VAX2: variants seen among roughly 807,000 people sequenced by gnomAD.
VAX2 encodes ventral anterior homeobox 2.
VAX2 carries 8 observed loss-of-function variants against 12.5 expected under a neutral mutation model. That is an observed-to-expected ratio of 0.64 (90% confidence interval 0.37 to 1.15). VAX2 has a LOEUF of 1.15. Ranked by LOEUF, VAX2 falls within the 50% of genes most tolerant of loss-of-function variation. VAX2 has a pLI of 0.01. For missense variants in VAX2, 476 were observed against 412.9 expected (o/e 1.15, Z -1.32); for synonymous variants, 183 against 187.6 (o/e 0.98, Z 0.20).
chr2:70,913,661 G>A (rs1553411518), intron 1 of VAX2, among the ~76,000 whole-genome samples: 2 of 151,682 alleles, frequency 1.3e-5, no homozygotes, highest in Non-Finnish European at 2.9e-5. Context: ...GGGTGACAGA[G>A]CGAGACTCCG....
Position 70,933,440 on chromosome 2 carries a change from A to G in VAX2, c.*236A>G. ...AAATAAAAGGAAAACAATGACAAGAAGGGAAATGGTGCCCACAGCACAACT... is the reference window on the plus strand; with the variant it reads ...AAATAAAAGGAAAACAATGACAAGAGGGGAAATGGTGCCCACAGCACAACT... On this transcript the variant is annotated 3_prime_UTR_variant, in exon 3 of 3. Coordinates refer to ENST00000234392, the MANE Select transcript of VAX2 (RefSeq NM_012476.3). 1 of 393,140 alleles carries G rather than the reference A, an allele frequency of 2.5e-6. No homozygotes were observed. The highest frequency in any genetic ancestry group is 1.3e-4 in the South Asian group (1 of 7,594). The allele number at this position is 393,140 out of a possible 1,614,324, so 24.4% of individuals were successfully genotyped here. A position where few individuals can be genotyped will look rare whatever the true frequency, so the allele number is the denominator to read the frequency against.
At chr2:70,916,986 A>G (rs1391230563) in intron 1 of VAX2, among the ~76,000 whole-genome samples, 1 of 151,924 alleles carries the variant, frequency 6.6e-6, no homozygotes, top group Non-Finnish European at 1.5e-5. Flanking sequence ...CCCCATCTCT[A>G]CTAAAAATAC....
chr2:70,917,418 A>G (rs1553412168), intron 1 of VAX2, among the ~76,000 whole-genome samples: 2 of 152,034 alleles, frequency 1.3e-5, no homozygotes, highest in Non-Finnish European at 2.9e-5. Context: ...GTTGTAGGGT[A>G]AGTATATTTT....
intron 1 of VAX2, among the ~76,000 whole-genome samples, chr2:70,917,248 G>C (rs1046831908): frequency 3.3e-5 from 5 of 151,618 alleles, no homozygotes; most frequent in Admixed American, 6.6e-5. Flanking sequence ...TTTGAACCTG[G>C]GAGGTGGAGG....
chr2:70,923,801 C>T (rs1425585832), intron 2 of VAX2, among the ~76,000 whole-genome samples: 3 of 152,028 alleles, frequency 2.0e-5, no homozygotes, highest in Admixed American at 6.6e-5. Context: ...TCCACGTGTT[C>T]GCCAACCAGA....
intron 1 of VAX2, among the ~76,000 whole-genome samples, chr2:70,919,230 C>CAAA (rs571460115): frequency 1.9e-4 from 10 of 53,520 alleles, no homozygotes; most frequent in Middle Eastern, 0.011. Flanking sequence ...TGTGTCTCCA[C>CAAA]AAAAAAAAAA....
chr2:70,923,208 A>G (rs1679497954), intron 2 of VAX2, among the ~76,000 whole-genome samples: 1 of 152,136 alleles, frequency 6.6e-6, no homozygotes, highest in Admixed American at 6.5e-5. Flanking sequence ...TTCTCACTAC[A>G]ACCCTCCTTC....
chr2:70,921,897 C>T (rs571857688), intron 2 of VAX2, among the ~76,000 whole-genome samples: 1 of 152,138 alleles, frequency 6.6e-6, no homozygotes, highest in Non-Finnish European at 1.5e-5. Context: ...AATGGAGACC[C>T]TTCAAGCTGG....
At position 70,933,194 on chromosome 2, in the gene VAX2, C is replaced by A; in HGVS notation, c.863C>A (p.Ala288Asp). 6.6e-7 allele frequency: 1 copy of A among 1,523,544 alleles called. No homozygotes were observed. Among genetic ancestry groups the A allele is most frequent in the Non-Finnish European group, 8.8e-7 (1 of 1,136,956 alleles). The allele number at this position is 1,523,544 out of a possible 1,614,324, so 94.4% of individuals were successfully genotyped here. Residue 288 changes from alanine (A) to aspartate (D), a missense_variant, in exon 3 of 3, where the codon GCT becomes GAT. Coordinates refer to ENST00000234392, the MANE Select transcript of VAX2 (RefSeq NM_012476.3). ...KVGSASSCKK[A>D]NT The stretch of plus-strand genomic sequence containing the variant: ...GGCAGCGCCAGCAGCTGCAAGAAAG[C>A]TAACACTTAAGACTCCCACCCTGTG...
chr2:70,906,520 C>CTTTTTTTTTTTTTTTTTTTTTTT, intron 1 of VAX2, among the ~76,000 whole-genome samples: 1 of 60,606 alleles, frequency 1.7e-5, no homozygotes. Context: ...TTTTCTTTTC[C>CTTTTTTTTTTTTTTTTTTTTTTT]TTTTTTTTTT....
intron 1 of VAX2, among the ~76,000 whole-genome samples, chr2:70,918,502 A>G (rs1679356119): frequency 6.6e-6 from 1 of 152,150 alleles, no homozygotes; most frequent in African/African-American, 2.4e-5. Flanking sequence ...AGCTCTTTCC[A>G]TTATGTTCTC....
At chr2:70,927,274 C>A (rs920841620) in intron 2 of VAX2, among the ~76,000 whole-genome samples, 2 of 151,852 alleles carry the variant, frequency 1.3e-5, no homozygotes, top group Non-Finnish European at 2.9e-5. Context: ...TGGCTCAGGA[C>A]TCCCCTCCTG....
chr2:70,922,428 A>G (rs532568807), intron 2 of VAX2, among the ~76,000 whole-genome samples: 1 of 152,082 alleles, frequency 6.6e-6, no homozygotes, highest in South Asian at 2.1e-4. Context: ...TCCCTGCCTC[A>G]GTGAGGTCAG....
In VAX2 at chr2:70,932,758, C is replaced by T. The variant is rs201813531; in HGVS notation, c.436-9C>T. 4.6e-5 allele frequency: 71 copies of T among 1,532,022 alleles called. 1 individual carries two copies. In the South Asian group the frequency reaches 8.5e-4, roughly 18 times the overall value. The allele number at this position is 1,532,022 out of a possible 1,614,324, so 94.9% of individuals were successfully genotyped here. On this transcript the variant is annotated splice_polypyrimidine_tract_variant and intron_variant, in intron 2 of 2. Transcript: ENST00000234392. ...TCTCCCTCCTTGACACCCCCTCCCC[C>T]ACCCCAAGGTGAAGGTCTGGTTCCA...
chr2:70,919,986 G>T (rs1316958592), intron 1 of VAX2, among the ~76,000 whole-genome samples: 1 of 152,216 alleles, frequency 6.6e-6, no homozygotes, highest in Non-Finnish European at 1.5e-5. Context: ...TTCTGGCCGC[G>T]TTGCAAACTC....
chr2:70,916,221 G>T (rs554949392), intron 1 of VAX2, among the ~76,000 whole-genome samples: 1 of 152,024 alleles, frequency 6.6e-6, no homozygotes, highest in Non-Finnish European at 1.5e-5. Flanking sequence ...TTATAGACTC[G>T]CAAGGAGTTA....
chr2:70,920,013 C>G lies in VAX2; in HGVS notation c.248-1085C>G, dbSNP rs1348257818. Among the ~76,000 whole-genome samples the G allele has an allele frequency of 2.0e-5, 3 of 152,192 alleles. No homozygotes were observed. The East Asian group carries it at 5.8e-4, about 29-fold the overall frequency. ...TGCAAACTCCGACTGCGTGCGCCCCCTGGAGGGTATTGGAATTCCTGCACC... is the reference window on the plus strand; with the variant it reads ...TGCAAACTCCGACTGCGTGCGCCCCGTGGAGGGTATTGGAATTCCTGCACC... On this transcript the variant is annotated intron_variant, in intron 1 of 2. Transcript: ENST00000234392.
intron 2 of VAX2, among the ~76,000 whole-genome samples, chr2:70,923,018 AGTGT>A (rs3836140): frequency 6.6e-6 from 1 of 151,058 alleles, no homozygotes; most frequent in Non-Finnish European, 1.5e-5. Flanking sequence ...AGAGACAGAT[AGTGT>A]GTGTGTGTGT....
intron 1 of VAX2, among the ~76,000 whole-genome samples, chr2:70,919,539 A>T (rs1270712728): frequency 5.9e-5 from 9 of 152,100 alleles, no homozygotes; most frequent in African/African-American, 2.2e-4. Flanking sequence ...AAAGAAAAAA[A>T]TAATTAAAAA....
Sources: allele counts gnomAD v4.1 joint callset (sites outside exome capture counted in the v4.1 genomes callset), GRCh38; gene constraint gnomAD v4.1.1; transcripts MANE v1.5; gene names NCBI Gene and HGNC (gene_info 2026-07-23, HGNC 2026-07-21).